Variants in KIF1B observed in about 807,000 individuals in gnomAD.
KIF1B encodes kinesin-like protein KIF1B.
A neutral mutation model predicts 241.9 loss-of-function variants in KIF1B; 76 were observed. That is an observed-to-expected ratio of 0.31 (90% confidence interval 0.26 to 0.38). The LOEUF (loss-of-function observed/expected upper bound fraction) is 0.38, where lower values mean the gene tolerates loss of function less well. Among genes scored for constraint, KIF1B ranks in the 10% least tolerant of loss-of-function variants. The pLI is 1.00. For missense variants in KIF1B, 1,622 were observed against 2,271.4 expected, an observed-to-expected ratio of 0.71 and a Z score of 5.81; for synonymous variants, 750 against 796.7, an observed-to-expected ratio of 0.94 and a Z score of 0.99.
chr1:10,321,245 A>C (rs950297463), intron 23 of KIF1B, among the ~76,000 whole-genome samples: 1 of 151,868 alleles, frequency 6.6e-6, no homozygotes, highest in Non-Finnish European at 1.5e-5. Context: ...CTGGGACTAC[A>C]GGTGTGTGCC....
chr1:10,296,722 C>T, intron 20 of KIF1B, 57 bp downstream of exon 20: 1 of 1,530,462 alleles, frequency 6.5e-7, no homozygotes, highest in Non-Finnish European at 9.0e-7. Context: ...TCTGTGACAA[C>T]TCTAATTTTT....
intron 2 of KIF1B, among the ~76,000 whole-genome samples, chr1:10,245,997 A>T (rs1194233928): frequency 6.6e-6 from 1 of 152,030 alleles, no homozygotes; most frequent in Non-Finnish European, 1.5e-5. Context: ...GACGCCCTAG[A>T]TGATTTCTTC....
chr1:10,311,637 A>AT (rs567144940), intron 22 of KIF1B, among the ~76,000 whole-genome samples: 1 of 151,400 alleles, frequency 6.6e-6, no homozygotes, highest in Non-Finnish European at 1.5e-5. Context: ...TTGATGATAG[A>AT]TTCAGTGCAT....
intron 38 of KIF1B, among the ~76,000 whole-genome samples, chr1:10,358,713 A>G (rs557593201): frequency 7.2e-5 from 11 of 152,112 alleles, no homozygotes; most frequent in African/African-American, 2.7e-4. Flanking sequence ...AGATCTCACA[A>G]TGATACAGTC....
At chr1:10,223,708 G>A (rs528796515) in intron 1 of KIF1B, among the ~76,000 whole-genome samples, 4 of 151,952 alleles carry the variant, frequency 2.6e-5, no homozygotes, top group Middle Eastern at 3.4e-3. Context: ...CACCACACCA[G>A]CTAATTTTTG....
chr1:10,308,310 G>C, intron 22 of KIF1B: 1 of 1,057,596 alleles, frequency 9.5e-7, no homozygotes, highest in Non-Finnish European at 1.1e-6. Flanking sequence ...TAATTGTCCA[G>C]TTTATGTCAT....
intron 5 of KIF1B, among the ~76,000 whole-genome samples, chr1:10,263,860 C>T (rs528303774): frequency 1.3e-5 from 2 of 152,208 alleles, no homozygotes; most frequent in South Asian, 4.1e-4. Flanking sequence ...ACCTCTCTAC[C>T]TGTCTCTTCT....
At chr1:10,333,152 A>G (rs1652019804) in intron 27 of KIF1B, among the ~76,000 whole-genome samples, 4 of 149,642 alleles carry the variant, frequency 2.7e-5, no homozygotes, top group East Asian at 2.1e-4. Flanking sequence ...ATGGCCAGGC[A>G]CGGTGGCTCA....
At chr1:10,342,198 T>C in intron 33 of KIF1B, 30 bp downstream of exon 33, 1 of 1,348,122 alleles carries the variant, frequency 7.4e-7, no homozygotes, top group Non-Finnish European at 1.1e-6. Context: ...ACATTTTTGA[T>C]GGTATTGTTT....
chr1:10,378,934 G>T lies in KIF1B; in HGVS notation c.*2347G>T. 4.3e-6 allele frequency: 1 copy of T among 233,488 alleles called. No individual in the cohort carries two copies. Among genetic ancestry groups the T allele is most frequent in the African/African-American group, 2.2e-5 (1 of 45,368 alleles). The allele number at this position is 233,488 out of a possible 1,614,324, so 14.5% of individuals were successfully genotyped here. A position where few individuals can be genotyped will look rare whatever the true frequency, so the allele number is the denominator to read the frequency against. On this transcript the variant is annotated 3_prime_UTR_variant, in exon 49 of 49. Coordinates refer to ENST00000676179, the MANE Select transcript of KIF1B (RefSeq NM_001365951.3). The stretch of plus-strand genomic sequence containing the variant: ...TAGGTCACTAACTGTGATGTTATTT[G>T]TTTTCTAAGTGGTATGTGAGATTTT...
In KIF1B at chr1:10,345,829, TAA is replaced by T; in HGVS notation, c.3689-12_3689-11del. On this transcript the variant is annotated splice_polypyrimidine_tract_variant and intron_variant, in intron 34 of 48. Transcript: ENST00000676179. Reference sequence around the variant, plus strand: ...TCTTGGACCAGATTTTGACATACTCTAAAAACTTTTAAAAGTTCCAGCCACCA... The same window carrying T: ...TCTTGGACCAGATTTTGACATACTCTAAACTTTTAAAAGTTCCAGCCACCA... The T allele has an allele frequency of 6.2e-7, 1 of 1,606,864 alleles. No homozygotes were observed. The highest frequency in any genetic ancestry group is 8.5e-7 in the Non-Finnish European group (1 of 1,173,574).
chr1:10,273,734 A>AAC (rs1648942846), intron 10 of KIF1B, among the ~76,000 whole-genome samples: 1 of 88,156 alleles, frequency 1.1e-5, no homozygotes, highest in African/African-American at 3.0e-5. Flanking sequence ...AAAAAAAAAA[A>AAC]AAAAACCCAA....
intron 48 of KIF1B, among the ~76,000 whole-genome samples, chr1:10,375,917 C>T (rs1253304350): frequency 1.3e-5 from 2 of 149,202 alleles, no homozygotes; most frequent in African/African-American, 2.5e-5. Context: ...CTGCCTCAGT[C>T]TCCTGAGTAG....
At position 10,345,784 on chromosome 1, in the gene KIF1B, C is replaced by G. The variant is rs112470866; in HGVS notation, c.3689-61C>G. The stretch of plus-strand genomic sequence containing the variant: ...TCTTTAAAGACTGACATTAGAGAAG[C>G]TTGTATTTTTGCTGAGTAGTCTTGG... On this transcript the variant is annotated intron_variant, in intron 34 of 48. Transcript: ENST00000676179. The G allele has an allele frequency of 3.2e-4, 386 of 1,202,832 alleles. 2 individuals carry two copies. The Middle Eastern group carries it at 4.9e-3, about 15-fold the overall frequency. The allele number at this position is 1,202,832 out of a possible 1,614,324, so 74.5% of individuals were successfully genotyped here.
In KIF1B at chr1:10,363,812, T is replaced by G. The variant is rs144471067; in HGVS notation, c.4366+468T>G. Among the ~76,000 whole-genome samples, 366 of 152,376 alleles carry G rather than the reference T, an allele frequency of 2.4e-3. 4 individuals carry two copies. The highest frequency in any genetic ancestry group is 3.4e-3 in the Middle Eastern group (1 of 294). The stretch of plus-strand genomic sequence containing the variant: ...GGCGGAGTTAAGCAGCACTTAGCAT[T>G]TCTATGTTTGTAAACCGAAACATGA... On this transcript the variant is annotated intron_variant, in intron 41 of 48. Coordinates refer to ENST00000676179, the MANE Select transcript of KIF1B (RefSeq NM_001365951.3).
At chr1:10,328,741 TGAG>T (rs1651812933) in intron 27 of KIF1B, among the ~76,000 whole-genome samples, 1 of 152,190 alleles carries the variant, frequency 6.6e-6, no homozygotes, top group Non-Finnish European at 1.5e-5. Flanking sequence ...CGTAACATGG[TGAG>T]GAGAAGCCTG....
intron 17 of KIF1B, among the ~76,000 whole-genome samples, chr1:10,293,404 T>C (rs1442456842): frequency 6.7e-6 from 1 of 150,100 alleles, no homozygotes; most frequent in Non-Finnish European, 1.5e-5. Flanking sequence ...TTTTTTTTTT[T>C]TTTTTTTTTT....
In KIF1B at chr1:10,352,578, A is replaced by T. The variant is rs4846215; in HGVS notation, c.3950-53A>T. 182,129 of 1,446,028 alleles carry T rather than the reference A, an allele frequency of 0.13. 12,691 individuals carry two copies. Among genetic ancestry groups the T allele is most frequent in the South Asian group, 0.19 (16,850 of 87,404 alleles). The allele number at this position is 1,446,028 out of a possible 1,614,324, so 89.6% of individuals were successfully genotyped here. On this transcript the variant is annotated intron_variant, in intron 37 of 48. Coordinates refer to ENST00000676179, the MANE Select transcript of KIF1B (RefSeq NM_001365951.3). ...AGTCTCTTTTGGGCTTAATGAATTC[A>T]TGTTTTGTTTTCAAATGTGTCCGTG...
At chr1:10,297,796 A>G (rs192330110) in intron 22 of KIF1B, among the ~76,000 whole-genome samples, 61 of 151,858 alleles carry the variant, frequency 4.0e-4, no homozygotes, top group African/African-American at 1.4e-3. Context: ...TGAATTCTCA[A>G]TCAGGTTCTC....
Sources: gnomAD v4.1 joint callset for allele counts (sites outside exome capture counted in the v4.1 genomes callset) on GRCh38, gnomAD v4.1.1 for gene constraint, MANE v1.5 for transcripts, NCBI Gene and HGNC (gene_info 2026-07-23, HGNC 2026-07-21) for gene names.